Variants in AKAP6 observed in about 807,000 individuals in gnomAD.
The protein encoded by AKAP6 is A-kinase anchor protein 6.
AKAP6 carries 58 observed loss-of-function variants against 188.5 expected under a neutral mutation model. That is an observed-to-expected ratio of 0.31 (90% CI 0.25 to 0.38). The LOEUF (loss-of-function observed/expected upper bound fraction) is 0.38. AKAP6 is among the 10% of genes least tolerant of loss of function. The probability of loss-of-function intolerance (pLI) is 1.00; values close to 1 mark genes in which losing one functional copy is unlikely to be tolerated. For missense variants in AKAP6, 2,710 were observed against 2,740.0 expected (o/e 0.99, Z 0.24); for synonymous variants, 989 against 998.6 (o/e 0.99, Z 0.18).
At chr14:32,405,310 C>G (rs780901767) in intron 1 of AKAP6, among the ~76,000 whole-genome samples, 75 of 152,014 alleles carry the variant, frequency 4.9e-4, no homozygotes, top group African/African-American at 1.7e-3. Flanking sequence ...TGGCTGACAC[C>G]TAGAGCAGAT....
At chr14:32,386,128 G>GAAT (rs1001283418) in intron 1 of AKAP6, among the ~76,000 whole-genome samples, 1 of 151,862 alleles carries the variant, frequency 6.6e-6, no homozygotes, top group African/African-American at 2.4e-5. Flanking sequence ...ACCCAGTAGT[G>GAAT]GGATTGCTGG....
intron 7 of AKAP6, among the ~76,000 whole-genome samples, chr14:32,641,588 A>G (rs1288257476): frequency 6.6e-6 from 1 of 152,124 alleles, no homozygotes; most frequent in Non-Finnish European, 1.5e-5. Flanking sequence ...CTTGTTTCTA[A>G]GAGCAATGAA....
At chr14:32,749,404 C>G (rs374163095) in intron 11 of AKAP6, among the ~76,000 whole-genome samples, 2 of 152,120 alleles carry the variant, frequency 1.3e-5, no homozygotes, top group Non-Finnish European at 2.9e-5. Context: ...TTTCCCTCAT[C>G]GAAAATGATA....
chr14:32,705,833 C>T (rs997041124), intron 9 of AKAP6, among the ~76,000 whole-genome samples: 2 of 152,152 alleles, frequency 1.3e-5, no homozygotes, highest in African/African-American at 4.8e-5. Flanking sequence ...TAGACTTAGG[C>T]TAATGGCACA....
At chr14:32,658,139 G>A (rs921828042) in intron 7 of AKAP6, among the ~76,000 whole-genome samples, 1 of 152,050 alleles carries the variant, frequency 6.6e-6, no homozygotes, top group Non-Finnish European at 1.5e-5. Context: ...GAAGAGGTTA[G>A]GAGGTAGATG....
Position 32,824,430 on chromosome 14 carries a change from AT to A in AKAP6, c.6618del (p.Asp2206GlufsTer23). 1 of 1,613,938 alleles carries A rather than the reference AT, an allele frequency of 6.2e-7. No individual in the cohort carries two copies. The highest frequency in any genetic ancestry group is 8.5e-7 in the Non-Finnish European group (1 of 1,179,954). On this transcript the variant is annotated frameshift_variant, in exon 13 of 14. Transcript: ENST00000280979. LOFTEE classifies it high-confidence loss of function. ...SEFSDSSLSA[D>X]DADTVALSSP... is the part of the protein sequence containing the mutation. ...TTCAGTGATAGTTCTCTTTCAGCTGATGATGCAGATACAGTGGCTCTTTCAA... is the reference window on the plus strand; with the variant it reads ...TTCAGTGATAGTTCTCTTTCAGCTGAGATGCAGATACAGTGGCTCTTTCAA...
intron 11 of AKAP6, among the ~76,000 whole-genome samples, chr14:32,769,340 G>A (rs1343962679): frequency 1.3e-5 from 2 of 151,840 alleles, no homozygotes; most frequent in South Asian, 4.2e-4. Context: ...GAGCCACTGC[G>A]CCTGGCCCCT....
At chr14:32,508,728 T>C (rs1264860155) in intron 2 of AKAP6, among the ~76,000 whole-genome samples, 1 of 152,208 alleles carries the variant, frequency 6.6e-6, no homozygotes, top group Non-Finnish European at 1.5e-5. Context: ...AACACAAATA[T>C]AGAATATGAT....
chr14:32,468,183 G>A (rs974872733), intron 2 of AKAP6, among the ~76,000 whole-genome samples: 5 of 149,208 alleles, frequency 3.4e-5, no homozygotes, highest in East Asian at 3.9e-4. Context: ...TACTGAAAAT[G>A]ATTAAGAGAA....
intron 1 of AKAP6, among the ~76,000 whole-genome samples, chr14:32,335,771 A>C (rs1301007204): frequency 7.1e-6 from 1 of 140,930 alleles, no homozygotes; most frequent in Non-Finnish European, 1.5e-5. Flanking sequence ...TGCTTTGTTT[A>C]ACTCTCATTT....
chr14:32,487,152 T>G (rs1879744033), intron 2 of AKAP6, among the ~76,000 whole-genome samples: 1 of 152,252 alleles, frequency 6.6e-6, no homozygotes, highest in African/African-American at 2.4e-5. Context: ...CAGCTTTGCA[T>G]CCCAGTGATA....
At chr14:32,393,329 G>A (rs1482409559) in intron 1 of AKAP6, among the ~76,000 whole-genome samples, 1 of 152,046 alleles carries the variant, frequency 6.6e-6, no homozygotes, top group Non-Finnish European at 1.5e-5. Flanking sequence ...AACCCAAATA[G>A]AGGAACACTC....
At chr14:32,592,286 G>A (rs1215935982) in intron 5 of AKAP6, among the ~76,000 whole-genome samples, 4 of 152,150 alleles carry the variant, frequency 2.6e-5, no homozygotes, top group South Asian at 2.1e-4. Flanking sequence ...TCATCTATGC[G>A]AAGCAGACAC....
chr14:32,521,910 G>A (rs1881855552), intron 2 of AKAP6, among the ~76,000 whole-genome samples: 1 of 152,160 alleles, frequency 6.6e-6, no homozygotes. Flanking sequence ...GACAAAGCTG[G>A]AGACATCATG....
At chr14:32,791,307 A>G (rs1292626968) in intron 12 of AKAP6, among the ~76,000 whole-genome samples, 3 of 152,174 alleles carry the variant, frequency 2.0e-5, no homozygotes, top group Non-Finnish European at 2.9e-5. Context: ...AATGATCACC[A>G]TTCTAACAGT....
rs961032558 is a variant in AKAP6 at position 32,643,315 on chromosome 14, CT to C, written c.2731-34985del. On this transcript the variant is annotated intron_variant, in intron 7 of 13. Coordinates refer to ENST00000280979, the MANE Select transcript of AKAP6 (RefSeq NM_004274.5). ...TTTTCTTCATACATTCTTTTCTTTTCTTTTTTTTTTTAGACGGAGTCTCACT... is the reference window on the plus strand; with the variant it reads ...TTTTCTTCATACATTCTTTTCTTTTCTTTTTTTTTTAGACGGAGTCTCACT... Among the ~76,000 whole-genome samples, 76 of 145,636 alleles carry C rather than the reference CT, an allele frequency of 5.2e-4. 1 individual carries two copies. The highest frequency in any genetic ancestry group is 6.0e-4 in the East Asian group (3 of 5,004).
chr14:32,707,604 T>C (rs55872425), intron 9 of AKAP6, among the ~76,000 whole-genome samples: 72 of 152,248 alleles, frequency 4.7e-4, no homozygotes, highest in African/African-American at 1.7e-3. Flanking sequence ...TATTTATTAA[T>C]GTATCTCCAG....
intron 5 of AKAP6, among the ~76,000 whole-genome samples, chr14:32,588,349 C>A (rs1885341277): frequency 6.6e-6 from 1 of 152,184 alleles, no homozygotes; most frequent in African/African-American, 2.4e-5. Context: ...GATGGGCATT[C>A]AAACTGCCTT....
chr14:32,414,844 G>C (rs1418652882), intron 1 of AKAP6, among the ~76,000 whole-genome samples: 1 of 152,146 alleles, frequency 6.6e-6, no homozygotes, highest in Admixed American at 6.6e-5. Flanking sequence ...CCTAGCCACT[G>C]AATGACCTTG....
Sources: allele counts gnomAD v4.1 joint callset (sites outside exome capture counted in the v4.1 genomes callset), GRCh38; gene constraint gnomAD v4.1.1; transcripts MANE v1.5; gene names NCBI Gene and HGNC (gene_info 2026-07-23, HGNC 2026-07-21).